USP24: variants seen among roughly 807,000 people sequenced by gnomAD.
The protein encoded by USP24 is ubiquitin carboxyl-terminal hydrolase 24.
USP24 carries 97 observed loss-of-function variants against 361.6 expected under a neutral mutation model. The ratio of observed to expected loss-of-function variants is 0.27; its 90% confidence interval spans 0.23 to 0.32. The LOEUF (loss-of-function observed/expected upper bound fraction) is 0.32, where lower values mean the gene tolerates loss of function less well. Among genes scored for constraint, USP24 ranks in the 10% least tolerant of loss-of-function variants. USP24 has a pLI of 1.00. For missense variants in USP24, 2,353 were observed against 3,165.6 expected (o/e 0.74, Z 6.16); for synonymous variants, 1,098 against 1,124.6 (o/e 0.98, Z 0.47).
At chr1:55,173,959 A>C (rs971696166) in intron 3 of USP24, among the ~76,000 whole-genome samples, 4 of 152,358 alleles carry the variant, frequency 2.6e-5, no homozygotes, top group Non-Finnish European at 4.4e-5. Context: ...TTTCACTTTG[A>C]AAATGCAATT....
In USP24 at chr1:55,107,359, A is replaced by G; in HGVS notation, c.4642T>C (p.Phe1548Leu). 6.2e-7 allele frequency: 1 copy of G among 1,613,966 alleles called. No individual in the cohort carries two copies. Among genetic ancestry groups the G allele is most frequent in the Non-Finnish European group, 8.5e-7 (1 of 1,179,872 alleles). Reference sequence around the variant, plus strand: ...CATTCAGCTGTACGATTAGGTTCAAAGTTATCCAGCCAAGTAATCTCATCT... The same window carrying G: ...CATTCAGCTGTACGATTAGGTTCAAGGTTATCCAGCCAAGTAATCTCATCT... ...LEDEITWLDNFEPNRTAECET... is the reference protein window; with the variant it reads ...LEDEITWLDNLEPNRTAECET... The change falls in exon 40 of 68, where the codon TTT (phenylalanine) becomes CTT (leucine). Residue 1548 changes from phenylalanine (F) to leucine (L), a missense_variant. Transcript: ENST00000294383.
intron 1 of USP24, among the ~76,000 whole-genome samples, chr1:55,194,363 T>C (rs1644363920): frequency 1.3e-5 from 2 of 152,208 alleles, no homozygotes; most frequent in South Asian, 4.1e-4. Flanking sequence ...AAAGAGAGCA[T>C]GGTGCCCGAT....
Position 55,100,899 on chromosome 1 carries a change from A to G in USP24, c.5211T>C (p.Ser1737=), listed in dbSNP as rs886405348. 3 of 1,613,728 alleles carry G rather than the reference A, an allele frequency of 1.9e-6. No homozygotes were observed. Among genetic ancestry groups the G allele is most frequent in the Non-Finnish European group, 2.5e-6 (3 of 1,179,768 alleles). The change falls in exon 44 of 68, where the codon TCT becomes TCC. Residue 1737 remains serine (S), a synonymous_variant. Transcript: ENST00000294383. ...PDDSVFYQVQ[S]LFGHLMESKL... is the part of the protein sequence containing the mutation. The stretch of plus-strand genomic sequence containing the variant: ...TGCTTTCCATTAAATGTCCAAAGAG[A>G]GACTGCACTTGGTAAAACACGCTAT...
chr1:55,142,858 C>A (rs1646927994), intron 22 of USP24, 63 bp from the exon 23 acceptor site: 1 of 1,422,224 alleles, frequency 7.0e-7, no homozygotes, highest in African/African-American at 1.5e-5. Flanking sequence ...TTATTCAGGA[C>A]AAAATATCAA....
intron 1 of USP24, among the ~76,000 whole-genome samples, chr1:55,191,114 T>C (rs890490937): frequency 2.0e-5 from 3 of 152,208 alleles, no homozygotes; most frequent in Non-Finnish European, 2.9e-5. Context: ...CAACAATTAT[T>C]GAATGTCACT....
intron 31 of USP24, 90 bp downstream of exon 31, chr1:55,132,455 C>G: frequency 7.1e-7 from 1 of 1,400,092 alleles, no homozygotes; most frequent in Non-Finnish European, 9.6e-7. Context: ...TAACAGAAAC[C>G]TATTTACTTA....
In USP24 at chr1:55,157,037, C is replaced by A. The variant is rs770192514; in HGVS notation, c.1357G>T (p.Ala453Ser). The change falls in exon 12 of 68, where the codon GCA becomes TCA. Residue 453 changes from alanine (A) to serine (S), a missense_variant. Around this residue, in one of 8 missense-constraint regions of USP24, gnomAD observed 386 missense variants for 560.5 expected, o/e 0.69. Coordinates refer to ENST00000294383, the MANE Select transcript of USP24 (RefSeq NM_015306.3). ...CCCTTTATACGGTCACAGTATTGTG[C>A]TTGGTCTATGTTGCCTAATTGAAGA... ...SIALEGNIDQ[A>S]QYCDRIKGII... 6.2e-7 allele frequency: 1 copy of A among 1,612,870 alleles called. No homozygotes were observed. Among genetic ancestry groups the A allele is most frequent in the South Asian group, 1.1e-5 (1 of 91,002 alleles).
intron 65 of USP24, 109 bp downstream of exon 65, chr1:55,072,677 G>T: frequency 8.8e-7 from 1 of 1,131,020 alleles, no homozygotes; most frequent in Non-Finnish European, 1.2e-6. Flanking sequence ...TTTGAAATCT[G>T]AAAACACTTT....
At position 55,097,038 on chromosome 1, in the gene USP24, G is replaced by C. The variant is rs768210663; in HGVS notation, c.5850C>G (p.Leu1950=). The C allele has an allele frequency of 2.5e-6, 4 of 1,613,860 alleles. No homozygotes were observed. Among genetic ancestry groups the C allele is most frequent in the Non-Finnish European group, 3.4e-6 (4 of 1,179,854 alleles). ...GGGSPRKKVA[L]TENYELVGVI... ...CACCGACAAGTTCATAGTTTTCTGT[G>C]AGGGCAACCTTTTTTCGTGGGGATC... The change falls in exon 49 of 68, where the codon CTC becomes CTG. Residue 1950 remains leucine (L), a synonymous_variant. Transcript: ENST00000294383.
At position 55,094,172 on chromosome 1, in the gene USP24, C is replaced by T. The variant is rs187676248; in HGVS notation, c.6204-85G>A. On this transcript the variant is annotated intron_variant, in intron 51 of 67. Transcript: ENST00000294383. ...CTAAGACTTGCCAAATTCACATAAA[C>T]GGGTATTAGACTATTTGATTATTAT... is the stretch of plus-strand genomic sequence containing the variant. 5,550 of 1,365,880 alleles carry T rather than the reference C, an allele frequency of 4.1e-3. 78 individuals are homozygous for T. The highest frequency in any genetic ancestry group is 0.029 in the South Asian group (2,028 of 70,434). The allele number at this position is 1,365,880 out of a possible 1,614,324, so 84.6% of individuals were successfully genotyped here. A position where few individuals can be genotyped will look rare whatever the true frequency, so the allele number is the denominator to read the frequency against.
At chr1:55,193,966 T>G (rs1177609411) in intron 1 of USP24, among the ~76,000 whole-genome samples, 2 of 152,160 alleles carry the variant, frequency 1.3e-5, no homozygotes, top group East Asian at 3.9e-4. Flanking sequence ...TTAAGCATAC[T>G]TGAAAGTATT....
chr1:55,078,455 A>T, intron 61 of USP24, 83 bp downstream of exon 61: 1 of 1,031,484 alleles, frequency 9.7e-7, no homozygotes, highest in Non-Finnish European at 1.4e-6. Context: ...GAGAACAAGC[A>T]TACTGCCTTG....
At chr1:55,137,148 G>A (rs1570508048) in intron 28 of USP24, among the ~76,000 whole-genome samples, 1 of 152,172 alleles carries the variant, frequency 6.6e-6, no homozygotes, top group Non-Finnish European at 1.5e-5. Context: ...GTGTTCCAAG[G>A]GGGAAGCGAT....
rs781207382 is a variant in USP24 at position 55,120,554 on chromosome 1, C to T, written c.4508+42G>A. On this transcript the variant is annotated intron_variant, in intron 38 of 67. Coordinates refer to ENST00000294383, the MANE Select transcript of USP24 (RefSeq NM_015306.3). ...AGCAGCACACAAATTATCATTTATC[C>T]TCTCTCTGTATAAGGTTAGCTTTTC... is the stretch of plus-strand genomic sequence containing the variant. The T allele has an allele frequency of 5.6e-5, 84 of 1,492,626 alleles. No homozygotes were observed. In the East Asian group the frequency reaches 1.9e-3, roughly 34 times the overall value. 92.5% of individuals were successfully genotyped at this position (1,492,626 alleles called of 1,614,324 possible). A position where few individuals can be genotyped will look rare whatever the true frequency, so the allele number is the denominator to read the frequency against.
intron 3 of USP24, among the ~76,000 whole-genome samples, chr1:55,176,031 G>T (rs936140777): frequency 5.3e-5 from 8 of 152,070 alleles, no homozygotes; most frequent in Non-Finnish European, 1.2e-4. Context: ...ACAAGCCTTT[G>T]TTTACTAATA....
chr1:55,188,238 C>T (rs1463944081), intron 1 of USP24, among the ~76,000 whole-genome samples: 1 of 152,024 alleles, frequency 6.6e-6, no homozygotes, highest in Non-Finnish European at 1.5e-5. Flanking sequence ...TGAAATGACC[C>T]CACCTCAAGC....
chr1:55,209,875 C>A (rs146244054), intron 1 of USP24, among the ~76,000 whole-genome samples: 201 of 151,892 alleles, frequency 1.3e-3, no homozygotes, highest in African/African-American at 4.8e-3. Flanking sequence ...TAAAAAACGC[C>A]CTCCTTCACA....
At chr1:55,187,082 A>C (rs1199424334) in intron 1 of USP24, among the ~76,000 whole-genome samples, 1 of 152,206 alleles carries the variant, frequency 6.6e-6, no homozygotes, top group Non-Finnish European at 1.5e-5. Context: ...AGTGGCACTT[A>C]TCTCAGGAAT....
At chr1:55,210,414 A>G (rs1407098873) in intron 1 of USP24, among the ~76,000 whole-genome samples, 1 of 152,166 alleles carries the variant, frequency 6.6e-6, no homozygotes, top group Non-Finnish European at 1.5e-5. Context: ...AGTAATTCAT[A>G]AACCACAGGT....
Sources: allele counts gnomAD v4.1 joint callset (sites outside exome capture counted in the v4.1 genomes callset), GRCh38; gene constraint gnomAD v4.1.1; regional missense constraint gnomAD v4.1.1; transcripts MANE v1.5; gene names NCBI Gene and HGNC (gene_info 2026-07-23, HGNC 2026-07-21).